The following PRDM10 variants were observed in gnomAD, a reference collection of about 807,000 sequenced individuals.
PRDM10 encodes the protein PR/SET domain 10.
PRDM10 carries 65 observed loss-of-function variants against 133.1 expected under a neutral mutation model. The observed-to-expected ratio is 0.49, with a 90% CI of 0.40 to 0.60. The LOEUF is 0.60. Among genes scored for constraint, PRDM10 ranks in the 20% least tolerant of loss-of-function variants. PRDM10 has a pLI of 0.00. For synonymous variants in PRDM10, 582 were observed against 580.4 expected (o/e 1.00, Z -0.04); for missense variants, 1,137 against 1,507.1 (o/e 0.75, Z 4.07).
At chr11:129,982,803 T>C (rs949931990) in intron 1 of PRDM10, among the ~76,000 whole-genome samples, 1 of 151,500 alleles carries the variant, frequency 6.6e-6, no homozygotes, top group Non-Finnish European at 1.5e-5. Context: ...CTACAAGAAA[T>C]ACAAAAATTA....
In PRDM10 at chr11:129,929,506, C is replaced by G. The variant is rs1407071000; in HGVS notation, c.1530+1510G>C. On this transcript the variant is annotated intron_variant, in intron 11 of 20. Coordinates refer to ENST00000360871, the MANE Select transcript of PRDM10 (RefSeq NM_199437.2). ...TTCCCTTCAGTTGGTCATTACCAAT[C>G]TGGATAGAAAAGATGAAAAAATACA... 2 of 1,246,516 alleles carry G rather than the reference C, an allele frequency of 1.6e-6. No individual in the cohort carries two copies. Among genetic ancestry groups the G allele is most frequent in the South Asian group, 1.5e-5 (1 of 68,954 alleles). 77.2% of individuals were successfully genotyped at this position (1,246,516 alleles called of 1,614,324 possible).
At position 129,917,202 on chromosome 11, in the gene PRDM10, C is replaced by T. The variant is rs201036964; in HGVS notation, c.2250G>A (p.Lys750=). The T allele has an allele frequency of 7.4e-6, 12 of 1,613,716 alleles. No individual in the cohort carries two copies. The Admixed American group carries it at 1.0e-4, about 13-fold the overall frequency. ...GAGTTAACTCTGGCACCTCTTCTAT[C>T]TTCATGTCTGGGTGTCTCTTCGATA... ...NHLSKRHPDM[K]IEEVPELTLP... Residue 750 remains lysine, a synonymous_variant, in exon 15 of 21, where the codon AAG becomes AAA. Transcript: ENST00000360871.
rs752610347 is a variant in PRDM10 at position 129,925,242 on chromosome 11, C to T, written c.1531-13G>A. ...GAAGAGCTGCATTCTGAAAGACATACACAAATGTGATCATTTAGTGATGAA... is the reference window on the plus strand; with the variant it reads ...GAAGAGCTGCATTCTGAAAGACATATACAAATGTGATCATTTAGTGATGAA... On this transcript the variant is annotated splice_polypyrimidine_tract_variant and intron_variant, in intron 11 of 20. Transcript: ENST00000360871. 1.0e-5 allele frequency: 16 copies of T among 1,584,700 alleles called. No individual in the cohort carries two copies. Among genetic ancestry groups the T allele is most frequent in the East Asian group, 2.2e-5 (1 of 44,678 alleles).
rs1488840350 is a variant in PRDM10 at position 129,914,794 on chromosome 11, G to A, written c.2751C>T (p.Tyr917=). Residue 917 remains tyrosine, a synonymous_variant, in exon 17 of 21, where the codon TAC becomes TAT. Transcript: ENST00000360871. ...TTDYRTPQGD[Y]QRIQYIPVSQ... ...ACACAGGGATGTACTGAATTCTCTG[G>A]TAATCCCCTTGTGGCGTTCGGTAGT... The A allele has an allele frequency of 6.2e-7, 1 of 1,614,116 alleles. No homozygotes were observed. Among genetic ancestry groups the A allele is most frequent in the Non-Finnish European group, 8.5e-7 (1 of 1,180,060 alleles).
At chr11:129,939,308 G>A (rs7105730) in intron 7 of PRDM10, among the ~76,000 whole-genome samples, 18,616 of 152,016 alleles carry the variant, frequency 0.12, 1,426 homozygotes, top group African/African-American at 0.21. Context: ...TGATTTTTAC[G>A]GATTATTTTA....
intron 11 of PRDM10, chr11:129,929,397 G>A (rs1331082045): frequency 2.6e-6 from 4 of 1,566,770 alleles, no homozygotes; most frequent in Non-Finnish European, 3.5e-6. Context: ...TGAAACACAG[G>A]AAACAAACCT....
intron 9 of PRDM10, 34 bp downstream of exon 9, chr11:129,935,067 A>T: frequency 1.3e-6 from 2 of 1,534,710 alleles, no homozygotes; most frequent in East Asian, 2.3e-5. Context: ...ACCTTTATGA[A>T]CTCAGTCTGT....
Position 129,947,016 on chromosome 11 carries a change from A to T in PRDM10, c.520+129T>A, listed in dbSNP as rs1429218778. 8.6e-6 allele frequency: 11 copies of T among 1,280,454 alleles called. No homozygotes were observed. The highest frequency in any genetic ancestry group is 1.2e-5 in the Non-Finnish European group (11 of 927,248). The allele number at this position is 1,280,454 out of a possible 1,614,324, so 79.3% of individuals were successfully genotyped here. On this transcript the variant is annotated intron_variant, in intron 5 of 20. Transcript: ENST00000360871. This position sits in a 1 kb window ranked among gnomAD's most constrained non-coding sequence, Gnocchi z 4.6. The stretch of plus-strand genomic sequence containing the variant: ...AGGCCAGGTGGGATGAAGCAAGCAG[A>T]GAATGTAGCACAGTTGGCTGCACAC...
chr11:129,915,122 A>G, intron 16 of PRDM10, 104 bp from the exon 17 acceptor site: 1 of 1,197,652 alleles, frequency 8.3e-7, no homozygotes, highest in Non-Finnish European at 1.2e-6. Context: ...TTTATGTCTT[A>G]AAAAAAGAAA....
chr11:129,905,341 G>GAC (rs1258447540), intron 20 of PRDM10, among the ~76,000 whole-genome samples: 1 of 127,350 alleles, frequency 7.9e-6, no homozygotes, highest in African/African-American at 3.1e-5. Flanking sequence ...CCAGCCTGGC[G>GAC]ACACAGCAAG....
chr11:129,966,189 A>G (rs1325165970), intron 1 of PRDM10, among the ~76,000 whole-genome samples: 1 of 152,194 alleles, frequency 6.6e-6, no homozygotes, highest in African/African-American at 2.4e-5. Context: ...TGTTGCAGTG[A>G]GCCAAGATCG....
At chr11:129,979,157 A>G (rs1937962287) in intron 1 of PRDM10, among the ~76,000 whole-genome samples, 1 of 152,212 alleles carries the variant, frequency 6.6e-6, no homozygotes, top group South Asian at 2.1e-4. Flanking sequence ...AGGTAATTTC[A>G]CAAAGAAATC....
intron 1 of PRDM10, among the ~76,000 whole-genome samples, chr11:129,989,460 G>A (rs563640838): frequency 4.6e-5 from 7 of 152,336 alleles, no homozygotes; most frequent in African/African-American, 1.2e-4. Flanking sequence ...GTAAAACCCT[G>A]TTTCACCCAT....
At chr11:129,904,121 C>T (rs1279178782) in intron 20 of PRDM10, among the ~76,000 whole-genome samples, 3 of 139,772 alleles carry the variant, frequency 2.1e-5, no homozygotes, top group Admixed American at 7.7e-5. Flanking sequence ...AATGTGACCT[C>T]GTGTGCTGAG....
chr11:129,959,243 C>T (rs1293009375), intron 2 of PRDM10, among the ~76,000 whole-genome samples: 6 of 152,182 alleles, frequency 3.9e-5, no homozygotes, highest in Non-Finnish European at 8.8e-5. Context: ...CACCTCTACA[C>T]GAAATGATTA....
intron 4 of PRDM10, chr11:129,948,118 GAC>G (rs1366846605): frequency 4.4e-6 from 2 of 456,228 alleles, no homozygotes; most frequent in African/African-American, 4.0e-5. Context: ...CTGCAAATAA[GAC>G]ACAGTTTGGG....
intron 1 of PRDM10, among the ~76,000 whole-genome samples, chr11:129,989,598 G>A (rs1938620498): frequency 1.3e-5 from 2 of 152,164 alleles, no homozygotes; most frequent in South Asian, 2.1e-4. Flanking sequence ...ATGGTTCTGG[G>A]TGGTACCTAT....
chr11:129,949,955 G>T (rs1307093563), intron 4 of PRDM10, among the ~76,000 whole-genome samples: 3 of 111,022 alleles, frequency 2.7e-5, no homozygotes, highest in Non-Finnish European at 5.0e-5. Context: ...AAAAAAAGAG[G>T]CCAGGCGTGA....
intron 11 of PRDM10, chr11:129,929,554 T>A: frequency 3.9e-6 from 3 of 769,620 alleles, no homozygotes; most frequent in Middle Eastern, 4.8e-4. Context: ...TTAGAATGTG[T>A]GAGAGAAAAA....
Sources: allele counts gnomAD v4.1 joint callset (sites outside exome capture counted in the v4.1 genomes callset), GRCh38; gene constraint gnomAD v4.1.1; non-coding constraint Gnocchi (gnomAD v3.1); transcripts MANE v1.5; gene names NCBI Gene and HGNC (gene_info 2026-07-23, HGNC 2026-07-21).